The following ANO6 variants were observed in gnomAD, a reference collection of about 807,000 sequenced individuals.
ANO6 encodes the protein anoctamin-6.
In ANO6, 106 loss-of-function variants were observed where a neutral mutation model predicts 117.5. The ratio of observed to expected loss-of-function variants is 0.90; its 90% CI spans 0.77 to 1.06. The LOEUF is 1.06. Ranked by LOEUF, ANO6 falls within the 50% of genes least tolerant of loss-of-function variation. ANO6 has a pLI of 0.00. For missense variants in ANO6, 955 were observed against 1,121.1 expected, an observed-to-expected ratio of 0.85 and a Z score of 2.12; for synonymous variants, 367 against 385.1, an observed-to-expected ratio of 0.95 and a Z score of 0.55.
At chr12:45,255,073 T>C (rs1937762730) in intron 1 of ANO6, among the ~76,000 whole-genome samples, 1 of 152,264 alleles carries the variant, frequency 6.6e-6, no homozygotes, top group Non-Finnish European at 1.5e-5. Context: ...GTCTATATTA[T>C]CAAACTGAAC....
chr12:45,292,894 A>G, intron 1 of ANO6: 1 of 1,551,152 alleles, frequency 6.4e-7, no homozygotes, highest in African/African-American at 1.4e-5. Flanking sequence ...CGAATTGTCC[A>G]TTCCCCCTTT....
chr12:45,218,134 A>G (rs1022962908), intron 1 of ANO6, among the ~76,000 whole-genome samples: 1 of 151,576 alleles, frequency 6.6e-6, no homozygotes, highest in Non-Finnish European at 1.5e-5. Flanking sequence ...AAAAAGTTAA[A>G]TATCTCTACT....
intron 3 of ANO6, among the ~76,000 whole-genome samples, chr12:45,336,229 T>A (rs556351480): frequency 5.3e-5 from 8 of 152,194 alleles, no homozygotes; most frequent in African/African-American, 1.9e-4. Context: ...TTCTTATATC[T>A]ATTGAGGTGA....
chr12:45,340,099 T>C (rs1417106580), intron 3 of ANO6, among the ~76,000 whole-genome samples: 1 of 152,166 alleles, frequency 6.6e-6, no homozygotes, highest in Non-Finnish European at 1.5e-5. Flanking sequence ...ACAATGACTT[T>C]ACTAAGCCAA....
rs1947441446 is a variant in ANO6, at chr12:45,223,810, G to A, written c.70+7419G>A. Among the ~76,000 whole-genome samples the A allele has an allele frequency of 2.0e-5, 3 of 152,116 alleles. No individual in the cohort carries two copies. In the South Asian group the frequency reaches 6.2e-4, roughly 32 times the overall value. On this transcript the variant is annotated intron_variant, in intron 1 of 19. Coordinates refer to ENST00000320560, the MANE Select transcript of ANO6 (RefSeq NM_001025356.3). ...TCCTCTAAAATGTAAGCTCCCTGAA[G>A]ACTGGTACCTTGTGTGTTTTGTGTT...
At chr12:45,300,736 A>G (rs1361021857) in intron 1 of ANO6, among the ~76,000 whole-genome samples, 2 of 152,252 alleles carry the variant, frequency 1.3e-5, no homozygotes, top group South Asian at 2.1e-4. Flanking sequence ...TTACTTAAAT[A>G]TTTAAGAATA....
chr12:45,263,477 G>A (rs1345156662), intron 1 of ANO6, among the ~76,000 whole-genome samples: 1 of 146,024 alleles, frequency 6.8e-6, no homozygotes, highest in Non-Finnish European at 1.5e-5. Context: ...CTTCTAAAAT[G>A]CTGGGATCAC....
chr12:45,332,098 C>G (rs1259632540), intron 3 of ANO6, among the ~76,000 whole-genome samples: 1 of 152,042 alleles, frequency 6.6e-6, no homozygotes, highest in African/African-American at 2.4e-5. Flanking sequence ...ATCTTTATCT[C>G]AGGATATTAA....
At position 45,390,489 on chromosome 12, in the gene ANO6, CT is replaced by C; in HGVS notation, c.1382del (p.Phe461SerfsTer5). The C allele has an allele frequency of 6.2e-7, 1 of 1,613,312 alleles. No homozygotes were observed. The highest frequency in any genetic ancestry group is 8.5e-7 in the Non-Finnish European group (1 of 1,179,550). ...GGATAACCCTCTGTGCCAGTGCTGT[CT>C]TTTTCTGGGTAATTCTATCACAAAA... is the stretch of plus-strand genomic sequence containing the variant. Reference protein sequence around the residue: ...IRITLCASAVFFWILLIIASV... With the variant: ...IRITLCASAVXFWILLIIASV... On this transcript the variant is annotated frameshift_variant, in exon 12 of 20. Coordinates refer to ENST00000320560, the MANE Select transcript of ANO6 (RefSeq NM_001025356.3). LOFTEE classifies it high-confidence loss of function.
chr12:45,252,021 CT>C (rs1317777137), intron 1 of ANO6, among the ~76,000 whole-genome samples: 6 of 152,140 alleles, frequency 3.9e-5, no homozygotes, highest in African/African-American at 1.4e-4. Context: ...ACTTCTTAGG[CT>C]TTATTATTGT....
chr12:45,413,955 G>A (rs1289738626), intron 16 of ANO6, among the ~76,000 whole-genome samples: 4 of 152,080 alleles, frequency 2.6e-5, no homozygotes. Context: ...CAGGGGGACT[G>A]TTTGACCATG....
At chr12:45,257,046 TA>T (rs200042367) in intron 1 of ANO6, among the ~76,000 whole-genome samples, 65 of 148,144 alleles carry the variant, frequency 4.4e-4, no homozygotes, top group African/African-American at 5.2e-4. Flanking sequence ...ACCTTTGAAT[TA>T]AAAAAAAAAA....
chr12:45,377,157 T>TA (rs1555175025), intron 9 of ANO6, among the ~76,000 whole-genome samples: 1 of 151,838 alleles, frequency 6.6e-6, no homozygotes, highest in Admixed American at 6.5e-5. Flanking sequence ...TTTTTTTTTT[T>TA]ACCTATAGCT....
At chr12:45,398,555 A>T (rs1445723198) in intron 12 of ANO6, among the ~76,000 whole-genome samples, 1 of 152,220 alleles carries the variant, frequency 6.6e-6, no homozygotes, top group Non-Finnish European at 1.5e-5. Context: ...GAAAATGGTC[A>T]GTAAAAGTAA....
At chr12:45,275,412 A>G (rs1344084670) in intron 1 of ANO6, among the ~76,000 whole-genome samples, 2 of 151,846 alleles carry the variant, frequency 1.3e-5, no homozygotes, top group African/African-American at 4.8e-5. Context: ...GTTTCACCAC[A>G]TTGGCCAGGC....
Position 45,430,524 on chromosome 12 carries a change from G to A in ANO6, c.*1213G>A, listed in dbSNP as rs775033182. 57 of 985,336 alleles carry A rather than the reference G, an allele frequency of 5.8e-5. No homozygotes were observed. Among genetic ancestry groups the A allele is most frequent in the Non-Finnish European group, 6.9e-5 (57 of 829,966 alleles). The allele number at this position is 985,336 out of a possible 1,614,324, so 61.0% of individuals were successfully genotyped here. The stretch of plus-strand genomic sequence containing the variant: ...GTTACTCTGGGCCCAGTAATTTGAT[G>A]TAACTGTCTGATTGTACTAGAGACA... On this transcript the variant is annotated 3_prime_UTR_variant, in exon 20 of 20. Transcript: ENST00000320560.
chr12:45,313,880 T>A (rs1159754535), intron 2 of ANO6, among the ~76,000 whole-genome samples: 1 of 152,084 alleles, frequency 6.6e-6, no homozygotes, highest in Non-Finnish European at 1.5e-5. Flanking sequence ...ACTATTAGCT[T>A]CACTAAATTT....
At chr12:45,346,540 G>A (rs965009282) in intron 3 of ANO6, among the ~76,000 whole-genome samples, 1 of 152,044 alleles carries the variant, frequency 6.6e-6, no homozygotes, top group Non-Finnish European at 1.5e-5. Context: ...TATTGAATTT[G>A]GTCAAGATAT....
At chr12:45,222,937 C>A (rs757323044) in intron 1 of ANO6, among the ~76,000 whole-genome samples, 4 of 152,220 alleles carry the variant, frequency 2.6e-5, no homozygotes, top group Non-Finnish European at 5.9e-5. Flanking sequence ...ATGGTTCAAT[C>A]ATGACTATCC....
Sources: allele counts gnomAD v4.1 joint callset (sites outside exome capture counted in the v4.1 genomes callset), GRCh38; gene constraint gnomAD v4.1.1; transcripts MANE v1.5; gene names NCBI Gene and HGNC (gene_info 2026-07-23, HGNC 2026-07-21).